The following EPB41L3 variants were observed in gnomAD, a reference collection of about 807,000 sequenced individuals.
The protein encoded by EPB41L3 is erythrocyte membrane protein band 4.1 like 3.
A neutral mutation model predicts 127.1 loss-of-function variants in EPB41L3; 57 were observed. That is an observed-to-expected ratio of 0.45 (90% CI 0.36 to 0.56). The LOEUF is 0.56. EPB41L3 is among the 20% of genes least tolerant of loss of function. The pLI, the probability that EPB41L3 is intolerant of heterozygous loss-of-function variation, is 0.00. For missense variants in EPB41L3, 1,273 were observed against 1,372.2 expected, an observed-to-expected ratio of 0.93 and a Z score of 1.14; for synonymous variants, 572 against 549.5, an observed-to-expected ratio of 1.04 and a Z score of -0.57.
chr18:5,558,650 C>G (rs1007150502), intron 3 of EPB41L3, among the ~76,000 whole-genome samples: 1 of 152,194 alleles, frequency 6.6e-6, no homozygotes, highest in East Asian at 1.9e-4. Flanking sequence ...AAGTAAGTTT[C>G]TTAACCTTCA....
chr18:5,432,020 C>G (rs118031342), intron 8 of EPB41L3, among the ~76,000 whole-genome samples: 1 of 152,158 alleles, frequency 6.6e-6, no homozygotes, highest in Non-Finnish European at 1.5e-5. Flanking sequence ...TGTGAACCTC[C>G]GCCAAGTCAC....
chr18:5,585,192 C>CA (rs1307342823), intron 3 of EPB41L3, among the ~76,000 whole-genome samples: 26 of 152,296 alleles, frequency 1.7e-4, no homozygotes, highest in African/African-American at 5.8e-4. Flanking sequence ...TTCTAAGCTA[C>CA]AAGAAGTGGA....
At chr18:5,443,989 G>T in intron 4 of EPB41L3, 109 bp from the exon 5 acceptor site, 1 of 920,858 alleles carries the variant, frequency 1.1e-6, no homozygotes, top group Non-Finnish European at 1.6e-6. Context: ...GTGGTCGTGG[G>T]AAGGCTTCCC....
chr18:5,544,878 AT>A (rs1568553084), upstream of EPB41L3, among the ~76,000 whole-genome samples: 1 of 152,208 alleles, frequency 6.6e-6, no homozygotes, highest in Non-Finnish European at 1.5e-5. Context: ...GCATGCCTGT[AT>A]CAAAACATCT....
chr18:5,445,874 T>G (rs554945256), intron 3 of EPB41L3, among the ~76,000 whole-genome samples: 10 of 152,290 alleles, frequency 6.6e-5, no homozygotes, highest in African/African-American at 2.4e-4. Flanking sequence ...GCGCTCCTTA[T>G]GAGAATCTAA....
chr18:5,617,369 A>T (rs561935165), intron 1 of EPB41L3, among the ~76,000 whole-genome samples: 1 of 148,544 alleles, frequency 6.7e-6, no homozygotes, highest in African/African-American at 2.5e-5. Context: ...CCCAGGCTGG[A>T]GTGCAGTGGT....
Position 5,454,209 on chromosome 18 carries a change from GT to G in EPB41L3, c.382-8966del, listed in dbSNP as rs558597098. Among the ~76,000 whole-genome samples the G allele has an allele frequency of 7.1e-3, 825 of 116,342 alleles. 20 individuals carry two copies. The highest frequency in any genetic ancestry group is 0.033 in the Middle Eastern group (7 of 212). The allele number at this position is 116,342 out of a possible 152,430, so 76.3% of individuals were successfully genotyped here. On this transcript the variant is annotated intron_variant, in intron 3 of 22. Coordinates refer to ENST00000341928, the MANE Select transcript of EPB41L3 (RefSeq NM_012307.5). ...GAGTGTGTTTTTTTTTTGTTTCCTT[GT>G]TTTTTTTTTTTTTTTTTAATCCATA...
At chr18:5,509,574 C>T (rs1395600490) in intron 1 of EPB41L3, among the ~76,000 whole-genome samples, 1 of 152,202 alleles carries the variant, frequency 6.6e-6, no homozygotes, top group Non-Finnish European at 1.5e-5. Flanking sequence ...TGCATCTGCT[C>T]AAACCAAAGG....
intron 3 of EPB41L3, among the ~76,000 whole-genome samples, chr18:5,581,391 TA>T (rs2094392073): frequency 6.6e-6 from 1 of 152,196 alleles, no homozygotes; most frequent in South Asian, 2.1e-4. Flanking sequence ...AACAGTCTGT[TA>T]AACTAAATTT....
At chr18:5,496,461 T>C (rs541733865) in intron 1 of EPB41L3, among the ~76,000 whole-genome samples, 1 of 152,354 alleles carries the variant, frequency 6.6e-6, no homozygotes, top group South Asian at 2.1e-4. Context: ...TAGAGTTCAG[T>C]GACAGTATTA....
intron 19 of EPB41L3, 22 bp from the exon 20 acceptor site, chr18:5,395,729 C>G (rs970665309): frequency 1.3e-6 from 2 of 1,599,592 alleles, no homozygotes; most frequent in Non-Finnish European, 1.7e-6. Flanking sequence ...GAGGCATAGA[C>G]CCCTCATCCA....
intron 3 of EPB41L3, among the ~76,000 whole-genome samples, chr18:5,455,650 A>G (rs1489038244): frequency 1.3e-5 from 2 of 149,340 alleles, no homozygotes; most frequent in Non-Finnish European, 3.0e-5. Flanking sequence ...TCCTGCCTTC[A>G]TTTGTTGTAA....
At chr18:5,510,022 G>C (rs2092433443) in intron 1 of EPB41L3, among the ~76,000 whole-genome samples, 1 of 152,180 alleles carries the variant, frequency 6.6e-6, no homozygotes, top group African/African-American at 2.4e-5. Flanking sequence ...AGGGAAAGCT[G>C]GTATTGCAGA....
At chr18:5,543,998 G>C (rs1293940180), upstream of EPB41L3, 1 of 985,506 alleles carries the variant, frequency 1.0e-6, no homozygotes, top group Middle Eastern at 5.2e-4. The surrounding 1 kb of genome is among the most constrained non-coding windows in gnomAD (Gnocchi z 5.2). Flanking sequence ...CAGGAGACTC[G>C]GGCGTGGGGA....
chr18:5,487,091 G>A (rs1490555650), intron 2 of EPB41L3, among the ~76,000 whole-genome samples: 4 of 152,128 alleles, frequency 2.6e-5, no homozygotes, highest in Non-Finnish European at 5.9e-5. Context: ...CCCATCAACA[G>A]AAGAATGAAT....
chr18:5,455,545 C>A (rs189053309), intron 3 of EPB41L3, among the ~76,000 whole-genome samples: 1 of 151,838 alleles, frequency 6.6e-6, no homozygotes, highest in Non-Finnish European at 1.5e-5. Flanking sequence ...AGATTCAGTG[C>A]GCAAACACTT....
At chr18:5,398,752 G>A (rs113004100) in intron 16 of EPB41L3, 2 of 399,210 alleles carry the variant, frequency 5.0e-6, no homozygotes, top group Non-Finnish European at 8.8e-6. Context: ...TTCCTTCGGG[G>A]ACCAAAGAGG....
Position 5,415,897 on chromosome 18 carries a change from C to T in EPB41L3, c.1988G>A (p.Cys663Tyr). ...ALTLSFPLAL[C>Y]LCYLEPKAAS... ...CGCCTTGGGCTCCAGGTAGCAGAGG[C>T]ACAGAGCCAGAGGGAAGGAGAGAGT... is the stretch of plus-strand genomic sequence containing the variant. Residue 663 changes from cysteine (C) to tyrosine (Y), a missense_variant, in exon 13 of 23, where the codon TGC (cysteine) becomes TAC (tyrosine). This residue lies in a region of EPB41L3 where 765 missense variants were observed against 782.9 expected (regional missense o/e 0.98). Transcript: ENST00000341928. 1 of 1,613,838 alleles carries T rather than the reference C, an allele frequency of 6.2e-7. No individual in the cohort carries two copies. The highest frequency in any genetic ancestry group is 8.5e-7 in the Non-Finnish European group (1 of 1,179,974).
At chr18:5,506,700 T>C (rs2092230173) in intron 1 of EPB41L3, among the ~76,000 whole-genome samples, 2 of 152,182 alleles carry the variant, frequency 1.3e-5, no homozygotes, top group African/African-American at 4.8e-5. Context: ...GCATCTAGAA[T>C]AGTGCATGGC....
Sources: gnomAD v4.1 joint callset for allele counts (sites outside exome capture counted in the v4.1 genomes callset) on GRCh38, gnomAD v4.1.1 for gene constraint, gnomAD v4.1.1 regional missense constraint, Gnocchi (gnomAD v3.1) non-coding constraint, MANE v1.5 for transcripts, NCBI Gene and HGNC (gene_info 2026-07-23, HGNC 2026-07-21) for gene names.